Variants in ACSS3 observed in about 807,000 individuals in gnomAD.
ACSS3 encodes acyl-CoA synthetase short-chain family member 3, mitochondrial.
In ACSS3, 64 loss-of-function variants were observed where a neutral mutation model predicts 84.2. The observed-to-expected ratio is 0.76, with a 90% confidence interval of 0.62 to 0.94. The LOEUF (loss-of-function observed/expected upper bound fraction) is 0.94. Ranked by LOEUF, ACSS3 falls within the 40% of genes least tolerant of loss-of-function variation. The pLI is 0.00. For missense variants in ACSS3, 815 were observed against 867.6 expected (o/e 0.94, Z 0.76); for synonymous variants, 317 against 310.1 (o/e 1.02, Z -0.23).
At chr12:81,254,606 A>C (rs1054710067) in intron 15 of ACSS3, among the ~76,000 whole-genome samples, 1 of 152,186 alleles carries the variant, frequency 6.6e-6, no homozygotes, top group African/African-American at 2.4e-5. Flanking sequence ...AAGACTCTTA[A>C]GAGGAACTCC....
chr12:81,135,513 A>G (rs990110687), intron 3 of ACSS3, among the ~76,000 whole-genome samples: 1 of 150,348 alleles, frequency 6.7e-6, no homozygotes, highest in African/African-American at 2.4e-5. Flanking sequence ...ATAACAAAGA[A>G]TAAAGTAATA....
intron 1 of ACSS3, among the ~76,000 whole-genome samples, chr12:81,091,420 A>C (rs1252971502): frequency 6.6e-6 from 1 of 151,990 alleles, no homozygotes; most frequent in Non-Finnish European, 1.5e-5. Context: ...TTTTAGAAAA[A>C]ATATAAAACT....
chr12:81,246,326 C>G (rs931204158), intron 13 of ACSS3, among the ~76,000 whole-genome samples: 1 of 152,122 alleles, frequency 6.6e-6, no homozygotes, highest in Non-Finnish European at 1.5e-5. Flanking sequence ...TGTCACTTAT[C>G]TGAAGTAGGG....
At chr12:81,194,170 G>T (rs1393151725) in intron 8 of ACSS3, among the ~76,000 whole-genome samples, 1 of 151,314 alleles carries the variant, frequency 6.6e-6, no homozygotes, top group Non-Finnish European at 1.5e-5. Context: ...AAGATTTGTT[G>T]TTTCAATTAT....
chr12:81,152,174 A>G (rs192198078), intron 7 of ACSS3, 78 bp downstream of exon 7: 2 of 1,233,810 alleles, frequency 1.6e-6, no homozygotes, highest in Admixed American at 2.2e-5. Context: ...CCTGAGTAGG[A>G]TCAGAAAAAT....
chr12:81,120,052 G>A (rs1884445245), intron 2 of ACSS3, among the ~76,000 whole-genome samples: 1 of 150,368 alleles, frequency 6.7e-6, no homozygotes, highest in East Asian at 1.9e-4. Context: ...TGATGTAGAA[G>A]CTGGGTCAAG....
intron 5 of ACSS3, among the ~76,000 whole-genome samples, chr12:81,148,521 C>T (rs1886451963): frequency 1.3e-5 from 2 of 152,122 alleles, no homozygotes; most frequent in Non-Finnish European, 2.9e-5. Context: ...ATTTGTCCCC[C>T]ACTCCCAAAA....
Position 81,253,453 on chromosome 12 carries a change from C to A in ACSS3, c.1820-42C>A, listed in dbSNP as rs746508616. 3.1e-6 allele frequency: 5 copies of A among 1,612,962 alleles called. No homozygotes were observed. In the African/African-American group the frequency reaches 6.7e-5, roughly 22 times the overall value. On this transcript the variant is annotated intron_variant, in intron 14 of 15. Coordinates refer to ENST00000548058, the MANE Select transcript of ACSS3 (RefSeq NM_024560.4). The stretch of plus-strand genomic sequence containing the variant: ...GATTGCTTGGGACCTGAATAATTAA[C>A]TAAGGTTAATTCAGTGCTTACCATC...
At chr12:81,223,988 A>C (rs2033192485) in intron 11 of ACSS3, among the ~76,000 whole-genome samples, 1 of 151,976 alleles carries the variant, frequency 6.6e-6, no homozygotes, top group Admixed American at 6.6e-5. Context: ...CAGCACTCTA[A>C]TGCTTCCCTT....
intron 8 of ACSS3, among the ~76,000 whole-genome samples, chr12:81,180,673 G>A (rs566901553): frequency 3.3e-5 from 5 of 152,088 alleles, no homozygotes; most frequent in South Asian, 2.1e-4. Flanking sequence ...CTGCCACCAC[G>A]CCTGGCTAAT....
intron 9 of ACSS3, among the ~76,000 whole-genome samples, chr12:81,203,857 T>G (rs2032220753): frequency 6.6e-6 from 1 of 152,206 alleles, no homozygotes; most frequent in Non-Finnish European, 1.5e-5. Context: ...TAAAAACATC[T>G]GGATTATTGA....
At chr12:81,084,729 A>G (rs1335264914) in intron 1 of ACSS3, among the ~76,000 whole-genome samples, 2 of 152,314 alleles carry the variant, frequency 1.3e-5, no homozygotes, top group East Asian at 3.9e-4. Context: ...AAAGAGCAAG[A>G]TATTCTAGTG....
At position 81,168,095 on chromosome 12, in the gene ACSS3, G is replaced by A. The variant is rs554046861; in HGVS notation, c.1099-6693G>A. Among the ~76,000 whole-genome samples the A allele has an allele frequency of 3.9e-5, 6 of 152,262 alleles. No individual in the cohort carries two copies. The East Asian group carries it at 1.2e-3, about 29-fold the overall frequency. ...GGGGAGTGGGGAAAGAAGACAGGTT[G>A]GTTGGAGACCTCAGATTGACCAATA... On this transcript the variant is annotated intron_variant, in intron 7 of 15. Coordinates refer to ENST00000548058, the MANE Select transcript of ACSS3 (RefSeq NM_024560.4).
Position 81,134,784 on chromosome 12 carries a change from T to C in ACSS3, c.457-32T>C, listed in dbSNP as rs1209125551. The C allele has an allele frequency of 2.1e-6, 3 of 1,447,986 alleles. No individual in the cohort carries two copies. The East Asian group carries it at 7.5e-5, about 36-fold the overall frequency. 89.7% of individuals were successfully genotyped at this position (1,447,986 alleles called of 1,614,324 possible). ...AGAAGTTTGGTGAAATAATACAAAA[T>C]ACACTTTACTGATTTAATGGTCTTG... On this transcript the variant is annotated intron_variant, in intron 2 of 15. Transcript: ENST00000548058.
chr12:81,130,037 T>C (rs1885388294), intron 2 of ACSS3, among the ~76,000 whole-genome samples: 1 of 152,228 alleles, frequency 6.6e-6, no homozygotes, highest in African/African-American at 2.4e-5. Context: ...GATGGACATT[T>C]GGGTTGGTTG....
upstream of ACSS3, chr12:81,077,950 C>A: frequency 1.4e-6 from 1 of 737,346 alleles, no homozygotes; most frequent in Non-Finnish European, 2.0e-6. Context: ...TGTTGCTTCT[C>A]TGGTCGCTCC....
At chr12:81,239,236 C>A (rs1048134581) in intron 13 of ACSS3, among the ~76,000 whole-genome samples, 1 of 151,428 alleles carries the variant, frequency 6.6e-6, no homozygotes, top group Admixed American at 6.6e-5. Flanking sequence ...GATTTATATT[C>A]TTTTTAAAAT....
At chr12:81,092,523 T>C (rs975388772) in intron 1 of ACSS3, among the ~76,000 whole-genome samples, 1 of 152,182 alleles carries the variant, frequency 6.6e-6, no homozygotes, top group Non-Finnish European at 1.5e-5. Flanking sequence ...CGTTCCATTT[T>C]GGTGAACAGT....
At chr12:81,197,688 C>T (rs61934661) in intron 8 of ACSS3, among the ~76,000 whole-genome samples, 57,029 of 152,024 alleles carry the variant, frequency 0.38, 11,916 homozygotes, top group Non-Finnish European at 0.48. Context: ...AGAACAGACA[C>T]GTTTTCAAGG....
Sources: gnomAD v4.1 joint callset for allele counts (sites outside exome capture counted in the v4.1 genomes callset) on GRCh38, gnomAD v4.1.1 for gene constraint, MANE v1.5 for transcripts, NCBI Gene and HGNC (gene_info 2026-07-23, HGNC 2026-07-21) for gene names.